Variants in PLCB1 observed in about 807,000 individuals in gnomAD.
PLCB1 encodes phospholipase C beta 1, also known as 1-phosphatidylinositol 4,5-bisphosphate phosphodiesterase beta-1.
Under a neutral mutation model 161.8 loss-of-function variants are expected in PLCB1, and 46 were observed. The observed-to-expected ratio is 0.28, with a 90% CI of 0.22 to 0.36. The LOEUF (loss-of-function observed/expected upper bound fraction) is 0.36. Ranked by LOEUF, PLCB1 falls within the 10% of genes least tolerant of loss-of-function variation. The pLI is 1.00. For synonymous variants in PLCB1, 517 were observed against 503.7 expected, an observed-to-expected ratio of 1.03 and a Z score of -0.35; for missense variants, 1,016 against 1,472.5, an observed-to-expected ratio of 0.69 and a Z score of 5.07.
intron 3 of PLCB1, among the ~76,000 whole-genome samples, chr20:8,447,124 T>C (rs1297378379): frequency 6.6e-6 from 1 of 152,160 alleles, no homozygotes; most frequent in African/African-American, 2.4e-5. Context: ...TGAACATCAT[T>C]AAATGAAGTC....
chr20:8,575,697 C>A (rs905567942), intron 3 of PLCB1, among the ~76,000 whole-genome samples: 2 of 152,194 alleles, frequency 1.3e-5, no homozygotes, highest in African/African-American at 4.8e-5. Flanking sequence ...GATTTGTTTG[C>A]ACTGTAAGGC....
chr20:8,761,377 A>G (rs1982016701), intron 25 of PLCB1, among the ~76,000 whole-genome samples: 1 of 152,222 alleles, frequency 6.6e-6, no homozygotes, highest in Non-Finnish European at 1.5e-5. Flanking sequence ...ATTGAAGCAC[A>G]TTGACTTTGG....
chr20:8,351,463 AT>A (rs914998519), intron 2 of PLCB1, among the ~76,000 whole-genome samples: 13 of 152,090 alleles, frequency 8.5e-5, no homozygotes, highest in African/African-American at 3.1e-4. Flanking sequence ...CAAAAGCATA[AT>A]CCATGAAAGA....
At chr20:8,589,195 G>A (rs1987074635) in intron 3 of PLCB1, among the ~76,000 whole-genome samples, 1 of 105,186 alleles carries the variant, frequency 9.5e-6, no homozygotes, top group African/African-American at 3.9e-5. Context: ...CATGAACAAT[G>A]TTTTGAAACT....
chr20:8,543,450 C>T (rs1367031019), intron 3 of PLCB1, among the ~76,000 whole-genome samples: 2 of 151,806 alleles, frequency 1.3e-5, no homozygotes, highest in Non-Finnish European at 2.9e-5. Flanking sequence ...GGCGGCCTGG[C>T]AACAGGGGAT....
chr20:8,157,573 C>G (rs1334521961), intron 2 of PLCB1, among the ~76,000 whole-genome samples: 1 of 152,146 alleles, frequency 6.6e-6, no homozygotes, highest in Non-Finnish European at 1.5e-5. Flanking sequence ...TTCTGTGACT[C>G]CTCAGAGATT....
chr20:8,716,239 T>G, intron 12 of PLCB1, 25 bp from the exon 13 acceptor site: 1 of 1,590,472 alleles, frequency 6.3e-7, no homozygotes, highest in Non-Finnish European at 8.6e-7. Flanking sequence ...CCTACTTTCC[T>G]TCTTCTGTTC....
intron 2 of PLCB1, among the ~76,000 whole-genome samples, chr20:8,280,990 T>C (rs1392947973): frequency 6.6e-6 from 1 of 152,248 alleles, no homozygotes; most frequent in African/African-American, 2.4e-5. Flanking sequence ...AGAATCTCAC[T>C]GGTTATCTTT....
chr20:8,352,112 G>T (rs986567160), intron 2 of PLCB1, among the ~76,000 whole-genome samples: 8 of 152,084 alleles, frequency 5.3e-5, no homozygotes, highest in Non-Finnish European at 2.9e-5. Flanking sequence ...TAGGTGGACA[G>T]ACAAACTGTG....
chr20:8,628,330 A>T lies in PLCB1; in HGVS notation c.283A>T (p.Ile95Phe). The T allele has an allele frequency of 1.2e-6, 2 of 1,614,072 alleles. No individual in the cohort carries two copies. The highest frequency in any genetic ancestry group is 8.5e-7 in the Non-Finnish European group (1 of 1,179,924). ...ACGTGAACTTTTGGATGTGGGGAAC[A>T]TCGGGCGCCTGGAGCAGCGCATGAT... Reference protein sequence around the residue: ...KLRELLDVGNIGRLEQRMITV... With the variant: ...KLRELLDVGNFGRLEQRMITV... The change falls in exon 4 of 32, where the codon ATC becomes TTC. Residue 95 changes from isoleucine (I) to phenylalanine (F), a missense_variant. Ile to Phe is a conservative substitution (Grantham distance 21). Coordinates refer to ENST00000338037, the MANE Select transcript of PLCB1 (RefSeq NM_015192.4).
chr20:8,527,531 G>A (rs1197720906), intron 3 of PLCB1, among the ~76,000 whole-genome samples: 1 of 152,104 alleles, frequency 6.6e-6, no homozygotes, highest in Admixed American at 6.6e-5. Context: ...CAAAGCCAGG[G>A]CTAGTAAAGT....
intron 3 of PLCB1, among the ~76,000 whole-genome samples, chr20:8,584,354 T>G (rs1039747119): frequency 6.6e-6 from 1 of 152,136 alleles, no homozygotes; most frequent in African/African-American, 2.4e-5. Flanking sequence ...TGTGCATACT[T>G]CATCTTTAGT....
intron 2 of PLCB1, among the ~76,000 whole-genome samples, chr20:8,182,988 T>C (rs58498190): frequency 0.53 from 47,621 of 89,260 alleles, 9,647 homozygotes; most frequent in African/African-American, 0.69. Context: ...AAAAAAGAAC[T>C]GTTTTTTTTG....
intron 31 of PLCB1, among the ~76,000 whole-genome samples, chr20:8,870,887 C>G (rs904392497): frequency 1.3e-5 from 2 of 152,194 alleles, no homozygotes; most frequent in Non-Finnish European, 2.9e-5. Flanking sequence ...AGAGAATGCA[C>G]AAAAGGAGAA....
intron 2 of PLCB1, among the ~76,000 whole-genome samples, chr20:8,266,272 G>T (rs1981951781): frequency 6.6e-6 from 1 of 152,146 alleles, no homozygotes; most frequent in Non-Finnish European, 1.5e-5. Flanking sequence ...ACTCAGCTCT[G>T]TATTAGCTTG....
chr20:8,609,443 C>T (rs550263474), intron 3 of PLCB1, among the ~76,000 whole-genome samples: 1 of 152,200 alleles, frequency 6.6e-6, no homozygotes, highest in South Asian at 2.1e-4. Context: ...AGTCTTTATG[C>T]CAAGCTAAAT....
intron 3 of PLCB1, among the ~76,000 whole-genome samples, chr20:8,383,771 C>T (rs568281690): frequency 6.1e-4 from 93 of 152,300 alleles, no homozygotes; most frequent in Non-Finnish European, 1.1e-3. Context: ...ATTTCTCCTT[C>T]GCTTATGAAG....
At position 8,704,884 on chromosome 20, in the gene PLCB1, A is replaced by G. The variant is rs77353767; in HGVS notation, c.1168-3786A>G. Among the ~76,000 whole-genome samples the G allele has an allele frequency of 9.9e-3, 1,507 of 152,194 alleles. 23 individuals carry two copies. Among genetic ancestry groups the G allele is most frequent in the Middle Eastern group, 0.034 (10 of 294 alleles). ...CAAAGGCCTAAGAATAAGGAGAGCT[A>G]ATGGTGTAAGCTGCAGTCCAAGTCC... On this transcript the variant is annotated intron_variant, in intron 11 of 31. Coordinates refer to ENST00000338037, the MANE Select transcript of PLCB1 (RefSeq NM_015192.4).
chr20:8,446,824 C>A (rs6055823), intron 3 of PLCB1, among the ~76,000 whole-genome samples: 1 of 151,902 alleles, frequency 6.6e-6, no homozygotes, highest in African/African-American at 2.4e-5. Context: ...TGATGACTTA[C>A]TTTTTTTTCT....
Sources: gnomAD v4.1 joint callset for allele counts (sites outside exome capture counted in the v4.1 genomes callset) on GRCh38, gnomAD v4.1.1 for gene constraint, MANE v1.5 for transcripts, NCBI Gene and HGNC (gene_info 2026-07-23, HGNC 2026-07-21) for gene names.